Variants in FBXO45 observed in about 807,000 individuals in gnomAD.
FBXO45 encodes the protein F-box protein 45, also known as F-box/SPRY domain-containing protein 1.
FBXO45 carries 3 observed loss-of-function variants against 25.5 expected under a neutral mutation model. That is an observed-to-expected ratio of 0.12 (90% CI 0.05 to 0.30). The LOEUF (loss-of-function observed/expected upper bound fraction) is 0.30. Among genes scored for constraint, FBXO45 ranks in the 10% least tolerant of loss-of-function variants. The pLI is 1.00. For synonymous variants in FBXO45, 155 were observed against 149.8 expected (o/e 1.03, Z -0.25); for missense variants, 219 against 365.0 (o/e 0.60, Z 3.26).
chr3:196,581,451 G>C (rs113903168), intron 2 of FBXO45, among the ~76,000 whole-genome samples: 5,141 of 151,602 alleles, frequency 0.034, 137 homozygotes, highest in Non-Finnish European at 0.049. Context: ...GGATGGTCTC[G>C]ATCTCTTGAC....
intron 2 of FBXO45, among the ~76,000 whole-genome samples, chr3:196,581,187 C>G (rs1736003501): frequency 6.9e-6 from 1 of 144,074 alleles, no homozygotes; most frequent in Non-Finnish European, 1.5e-5. Flanking sequence ...GCTTATTGTA[C>G]ACTTCAGCTT....
Position 196,584,500 on chromosome 3 carries a change from G to A in FBXO45, c.*182G>A, listed in dbSNP as rs1577600792. On this transcript the variant is annotated 3_prime_UTR_variant, in exon 3 of 3. Coordinates refer to ENST00000311630, the MANE Select transcript of FBXO45 (RefSeq NM_001105573.2). The surrounding 1 kb of genome is among the most constrained non-coding windows in gnomAD (Gnocchi z 4.3). The stretch of plus-strand genomic sequence containing the variant: ...CGTGTTTCCTCTTTCTACTGGGCCA[G>A]AAAAATCCTCAGGGTTGCAGTTGGT... The A allele has an allele frequency of 3.6e-6, 2 of 559,766 alleles. No homozygotes were observed. Among genetic ancestry groups the A allele is most frequent in the East Asian group, 6.8e-5 (2 of 29,388 alleles). The allele number at this position is 559,766 out of a possible 1,614,324, so 34.7% of individuals were successfully genotyped here. A position where few individuals can be genotyped will look rare whatever the true frequency, so the allele number is the denominator to read the frequency against.
chr3:196,571,663 A>T (rs1327493265), intron 1 of FBXO45, among the ~76,000 whole-genome samples: 1 of 152,212 alleles, frequency 6.6e-6, no homozygotes, highest in Non-Finnish European at 1.5e-5. Flanking sequence ...ATCAAGCAAA[A>T]TGTTTTCCTT....
chr3:196,579,303 A>C (rs1464011904), intron 2 of FBXO45, among the ~76,000 whole-genome samples: 7 of 152,274 alleles, frequency 4.6e-5, no homozygotes, highest in Non-Finnish European at 1.0e-4. Flanking sequence ...GGCATACTAA[A>C]GCAGAAGAAC....
chr3:196,569,041 C>T lies in FBXO45; in HGVS notation c.57C>T (p.Gly19=), dbSNP rs1735715371. Residue 19 remains glycine (G), a synonymous_variant, in exon 1 of 3, where the codon GGC becomes GGT. Transcript: ENST00000311630. This position sits in a 1 kb window ranked among gnomAD's most constrained non-coding sequence, Gnocchi z 4.1. ...GAASGGAGCS[G]GGAGAGAGSG... is the part of the protein sequence containing the mutation. ...CCTCGGGCGGCGCTGGCTGTAGCGG[C>T]GGCGGCGCGGGCGCGGGCGCGGGCT... 3 of 1,077,852 alleles carry T rather than the reference C, an allele frequency of 2.8e-6. No homozygotes were observed. The highest frequency in any genetic ancestry group is 4.3e-5 in the South Asian group (1 of 23,168). 66.8% of individuals were successfully genotyped at this position (1,077,852 alleles called of 1,614,324 possible).
At position 196,577,632 on chromosome 3, in the gene FBXO45, C is replaced by T; in HGVS notation, c.498C>T (p.Gly166=). 1.2e-6 allele frequency: 2 copies of T among 1,613,720 alleles called. No individual in the cohort carries two copies. Among genetic ancestry groups the T allele is most frequent in the Non-Finnish European group, 1.7e-6 (2 of 1,179,742 alleles). ...AWEVWWEGPL[G]TVAVIGIATK... Reference sequence around the variant, plus strand: ...AAGTGTGGTGGGAGGGCCCTCTGGGCACTGTGGCAGTGATTGGAATTGCCA... The same window carrying T: ...AAGTGTGGTGGGAGGGCCCTCTGGGTACTGTGGCAGTGATTGGAATTGCCA... Residue 166 remains glycine (G), a synonymous_variant, in exon 2 of 3, where the codon GGC becomes GGT. Transcript: ENST00000311630.
chr3:196,571,921 T>C (rs1735832055), intron 1 of FBXO45, among the ~76,000 whole-genome samples: 1 of 152,242 alleles, frequency 6.6e-6, no homozygotes, highest in Admixed American at 6.5e-5. Context: ...TAGGAAATCT[T>C]TCAGTCTAGT....
At position 196,588,708 on chromosome 3, in the gene FBXO45, A is replaced by G. The variant is rs1299182107; in HGVS notation, c.*4390A>G. On this transcript the variant is annotated 3_prime_UTR_variant, in exon 3 of 3. Transcript: ENST00000311630. The surrounding 1 kb of genome is among the most constrained non-coding windows in gnomAD (Gnocchi z 4.2). ...GACTCATCTTTGTGCCACAACATGT[A>G]AGCCCAATAGGCAGGTGCTCACATA... 1.3e-5 allele frequency: 2 copies of G among 152,236 alleles called. No homozygotes were observed. The highest frequency in any genetic ancestry group is 1.5e-5 in the Non-Finnish European group (1 of 68,046). The allele number at this position is 152,236 out of a possible 1,614,324, so 9.4% of individuals were successfully genotyped here. A position where few individuals can be genotyped will look rare whatever the true frequency, so the allele number is the denominator to read the frequency against.
chr3:196,585,115 G>GTA lies in FBXO45; in HGVS notation c.*798_*799dup, dbSNP rs373955685. On this transcript the variant is annotated 3_prime_UTR_variant, in exon 3 of 3. Transcript: ENST00000311630. ...TTTTGTTTTTACTCTCAAAATCATA[G>GTA]TAAAGATCTCTCAGTCTCCTGGCTA... is the stretch of plus-strand genomic sequence containing the variant. The GTA allele has an allele frequency of 2.6e-3, 398 of 152,274 alleles. 2 individuals carry two copies. The highest frequency in any genetic ancestry group is 9.4e-3 in the African/African-American group (389 of 41,560). 9.4% of individuals were successfully genotyped at this position (152,274 alleles called of 1,614,324 possible).
chr3:196,575,905 G>A (rs1049783882), intron 1 of FBXO45, among the ~76,000 whole-genome samples: 16 of 152,096 alleles, frequency 1.1e-4, no homozygotes, highest in African/African-American at 3.6e-4. Context: ...CTTGAACTCC[G>A]AGTTCAGGCG....
At chr3:196,571,172 T>C (rs1184955158) in intron 1 of FBXO45, among the ~76,000 whole-genome samples, 1 of 152,192 alleles carries the variant, frequency 6.6e-6, no homozygotes, top group Non-Finnish European at 1.5e-5. Context: ...TTTTATTTAG[T>C]TTTTATTTTT....
At position 196,569,114 on chromosome 3, in the gene FBXO45, C is replaced by T. The variant is rs1735722391; in HGVS notation, c.130C>T (p.Leu44=). 5 of 1,531,088 alleles carry T rather than the reference C, an allele frequency of 3.3e-6. No individual in the cohort carries two copies. Among genetic ancestry groups the T allele is most frequent in the East Asian group, 5.0e-5 (2 of 39,980 alleles). 94.8% of individuals were successfully genotyped at this position (1,531,088 alleles called of 1,614,324 possible). A position where few individuals can be genotyped will look rare whatever the true frequency, so the allele number is the denominator to read the frequency against. ...CGGGGGCCGGCTGCCCAGCCGGGTG[C>T]TGGAGTTGGTGTTCTCTTACCTGGA... is the stretch of plus-strand genomic sequence containing the variant. ...GAGGRLPSRV[L]ELVFSYLELS... The change falls in exon 1 of 3, where the codon CTG becomes TTG. Residue 44 remains leucine, a synonymous_variant. Coordinates refer to ENST00000311630, the MANE Select transcript of FBXO45 (RefSeq NM_001105573.2). The surrounding 1 kb of genome is among the most constrained non-coding windows in gnomAD (Gnocchi z 4.1).
At chr3:196,574,294 T>A (rs1735877182) in intron 1 of FBXO45, among the ~76,000 whole-genome samples, 1 of 152,190 alleles carries the variant, frequency 6.6e-6, no homozygotes, top group Non-Finnish European at 1.5e-5. Flanking sequence ...ACACTTAATG[T>A]AATCACAATA....
intron 1 of FBXO45, among the ~76,000 whole-genome samples, chr3:196,571,041 A>G (rs186945098): frequency 2.0e-5 from 3 of 152,242 alleles, no homozygotes; most frequent in African/African-American, 2.4e-5. Context: ...CGAAATAACA[A>G]TAATTTACTA....
At position 196,586,974 on chromosome 3, in the gene FBXO45, A is replaced by G. The variant is rs1216923764; in HGVS notation, c.*2656A>G. ...TGAGGGTAAAGGAGAAAATAATGGG[A>G]AAGTGCTTGTGCCGTGGATGAAAAG... On this transcript the variant is annotated 3_prime_UTR_variant, in exon 3 of 3. Coordinates refer to ENST00000311630, the MANE Select transcript of FBXO45 (RefSeq NM_001105573.2). 3 of 152,208 alleles carry G rather than the reference A, an allele frequency of 2.0e-5. No homozygotes were observed. In the East Asian group the frequency reaches 5.8e-4, roughly 29 times the overall value. The allele number at this position is 152,208 out of a possible 1,614,324, so 9.4% of individuals were successfully genotyped here. A position where few individuals can be genotyped will look rare whatever the true frequency, so the allele number is the denominator to read the frequency against.
intron 1 of FBXO45, among the ~76,000 whole-genome samples, chr3:196,576,708 C>T (rs1735919498): frequency 6.6e-6 from 1 of 152,160 alleles, no homozygotes; most frequent in Admixed American, 6.5e-5. Flanking sequence ...AGCTTCTCTT[C>T]ATAAATTCTA....
At position 196,568,980 on chromosome 3, in the gene FBXO45, AG is replaced by A. The variant is rs1735711799; in HGVS notation, c.-3del. 1 of 989,478 alleles carries A rather than the reference AG, an allele frequency of 1.0e-6. No individual in the cohort carries two copies. Among genetic ancestry groups the A allele is most frequent in the South Asian group, 4.5e-5 (1 of 22,142 alleles). 61.3% of individuals were successfully genotyped at this position (989,478 alleles called of 1,614,324 possible). A position where few individuals can be genotyped will look rare whatever the true frequency, so the allele number is the denominator to read the frequency against. On this transcript the variant is annotated 5_prime_UTR_variant, in exon 1 of 3. Coordinates refer to ENST00000311630, the MANE Select transcript of FBXO45 (RefSeq NM_001105573.2). ...GCGGCGGCCCTAGGGCCGGCTGGTGAGGCGATGGCGGCGCCGGCCCCGGGGG... is the reference window on the plus strand; with the variant it reads ...GCGGCGGCCCTAGGGCCGGCTGGTGAGCGATGGCGGCGCCGGCCCCGGGGG...
intron 2 of FBXO45, among the ~76,000 whole-genome samples, chr3:196,580,117 C>G (rs764977285): frequency 1.3e-5 from 2 of 151,992 alleles, no homozygotes; most frequent in Non-Finnish European, 2.9e-5. Flanking sequence ...CTCAGCCTCC[C>G]GAGTAGCTGG....
Position 196,580,295 on chromosome 3 carries a change from T to G in FBXO45, c.675+2486T>G, listed in dbSNP as rs532105729. ...ATCTCAGCTCACCGCAACCTCTGCC[T>G]CCCGGGTCCCGGTTCAAGCAGTTCT... On this transcript the variant is annotated intron_variant, in intron 2 of 2. Transcript: ENST00000311630. 2.0e-5 allele frequency among the ~76,000 whole-genome samples: 3 copies of G among 150,598 alleles called. No homozygotes were observed. The East Asian group carries it at 6.1e-4, about 31-fold the overall frequency.
Sources: gnomAD v4.1 joint callset for allele counts (sites outside exome capture counted in the v4.1 genomes callset) on GRCh38, gnomAD v4.1.1 for gene constraint, Gnocchi (gnomAD v3.1) non-coding constraint, MANE v1.5 for transcripts, NCBI Gene and HGNC (gene_info 2026-07-23, HGNC 2026-07-21) for gene names.